The following INTS6 variants were observed in gnomAD, a reference collection of about 807,000 sequenced individuals.
The protein encoded by INTS6 is integrator complex subunit 6, also known as DEAD box protein.
A neutral mutation model predicts 104.9 loss-of-function variants in INTS6; 16 were observed. The ratio of observed to expected loss-of-function variants is 0.15; its 90% confidence interval spans 0.10 to 0.23. The LOEUF is 0.23. Among genes scored for constraint, INTS6 ranks in the 10% least tolerant of loss-of-function variants. The pLI is 1.00. For synonymous variants in INTS6, 324 were observed against 358.7 expected, an observed-to-expected ratio of 0.90 and a Z score of 1.09; for missense variants, 584 against 1,062.8, an observed-to-expected ratio of 0.55 and a Z score of 6.26.
chr13:51,395,879 C>A (rs1342159482), intron 4 of INTS6, among the ~76,000 whole-genome samples: 1 of 152,108 alleles, frequency 6.6e-6, no homozygotes, highest in Non-Finnish European at 1.5e-5. Flanking sequence ...CTCATTGCAA[C>A]CTCTGCCTCC....
At chr13:51,359,026 A>C (rs1295362823), downstream of INTS6, among the ~76,000 whole-genome samples, 1 of 152,110 alleles carries the variant, frequency 6.6e-6, no homozygotes, top group Non-Finnish European at 1.5e-5. Context: ...TACTGAAAAC[A>C]AAAGTGCAAA....
rs761660879 is a variant in INTS6 at position 51,374,650 on chromosome 13, T to C, written c.1872+4A>G. Reference sequence around the variant, plus strand: ...AATTACATAATAGAACATTTCAAAATTACCTTCTTATCCAGCTTAAAGGGG... The same window carrying C: ...AATTACATAATAGAACATTTCAAAACTACCTTCTTATCCAGCTTAAAGGGG... On this transcript the variant is annotated splice_donor_region_variant and intron_variant, in intron 14 of 17. Coordinates refer to ENST00000311234, the MANE Select transcript of INTS6 (RefSeq NM_012141.3). 1 of 1,612,484 alleles carries C rather than the reference T, an allele frequency of 6.2e-7. No homozygotes were observed. Among genetic ancestry groups the C allele is most frequent in the East Asian group, 2.2e-5 (1 of 44,814 alleles).
intron 4 of INTS6, among the ~76,000 whole-genome samples, chr13:51,425,675 G>T (rs1422979070): frequency 6.6e-6 from 1 of 152,064 alleles, no homozygotes; most frequent in East Asian, 1.9e-4. Flanking sequence ...TGGAATCATA[G>T]TACAGAATAG....
At chr13:51,444,251 A>AT (rs1952856784) in intron 3 of INTS6, 2 of 96,570 alleles carry the variant, frequency 2.1e-5, no homozygotes, top group Non-Finnish European at 4.0e-5. Context: ...CCCCCCAGCT[A>AT]ATTTTTTTTT....
chr13:51,424,909 G>A (rs1447764093), intron 4 of INTS6, among the ~76,000 whole-genome samples: 2 of 151,932 alleles, frequency 1.3e-5, no homozygotes, highest in Non-Finnish European at 2.9e-5. Context: ...AAAATTCTAA[G>A]TGTCTTAGGA....
intron 17 of INTS6, among the ~76,000 whole-genome samples, chr13:51,367,588 G>A (rs982908224): frequency 6.6e-6 from 1 of 152,022 alleles, no homozygotes; most frequent in Non-Finnish European, 1.5e-5. Context: ...AATTTGTAGG[G>A]AGAAAAGGTC....
rs1429544161 is a variant in INTS6, at chr13:51,361,754, T to C, written c.*3998A>G. On this transcript the variant is annotated 3_prime_UTR_variant, in exon 18 of 18. Transcript: ENST00000311234. The stretch of plus-strand genomic sequence containing the variant: ...AATTAACTTACTTCATAACCAATAG[T>C]TATTTTCTTAAAAATGCACAGAAAA... The C allele has an allele frequency of 1.0e-5, 15 of 1,454,582 alleles. No homozygotes were observed. Among genetic ancestry groups the C allele is most frequent in the African/African-American group, 1.4e-5 (1 of 70,100 alleles). 90.1% of individuals were successfully genotyped at this position (1,454,582 alleles called of 1,614,324 possible).
chr13:51,400,395 T>A (rs144510389), intron 4 of INTS6, among the ~76,000 whole-genome samples: 168 of 152,362 alleles, frequency 1.1e-3, no homozygotes, highest in Non-Finnish European at 1.7e-3. Flanking sequence ...TCCTCATAGA[T>A]AATGAAGATG....
intron 11 of INTS6, among the ~76,000 whole-genome samples, chr13:51,379,146 CTTTTT>C (rs1955996553): frequency 6.7e-6 from 1 of 149,014 alleles, no homozygotes; most frequent in African/African-American, 2.5e-5. Context: ...TTTTTTTTTT[CTTTTT>C]TAAGGAAAAA....
chr13:51,348,767 T>C, the INTS6 span: 1 of 239,656 alleles, frequency 4.2e-6, no homozygotes, highest in South Asian at 1.0e-4. Context: ...GTAGGAACGT[T>C]GCCCAAATCT....
chr13:51,409,108 C>G (rs1392435314), intron 4 of INTS6, among the ~76,000 whole-genome samples: 1 of 151,854 alleles, frequency 6.6e-6, no homozygotes, highest in Non-Finnish European at 1.5e-5. Flanking sequence ...GCATCAGGGT[C>G]ATATTTTATA....
At chr13:51,377,590 C>T (rs960089631) in intron 12 of INTS6, among the ~76,000 whole-genome samples, 9 of 152,086 alleles carry the variant, frequency 5.9e-5, no homozygotes, top group African/African-American at 1.9e-4. Flanking sequence ...TTATCCACTA[C>T]CTTATTTTAA....
chr13:51,360,473 A>AT (rs1402115592), downstream of INTS6, among the ~76,000 whole-genome samples: 1 of 152,040 alleles, frequency 6.6e-6, no homozygotes, highest in Non-Finnish European at 1.5e-5. Context: ...TAAATCTTTC[A>AT]TTTTTTACTG....
chr13:51,406,623 ATCTCCC>A, intron 4 of INTS6, among the ~76,000 whole-genome samples: 1 of 152,212 alleles, frequency 6.6e-6, no homozygotes, highest in East Asian at 1.9e-4. Context: ...GACCACTTTT[ATCTCCC>A]TCTCCTCCAC....
chr13:51,446,374 T>C (rs755618579), intron 3 of INTS6: 1 of 152,058 alleles, frequency 6.6e-6, no homozygotes, highest in Non-Finnish European at 1.5e-5. Context: ...TCACACCCAA[T>C]AGGATGGCTA....
the INTS6 span, chr13:51,341,331 G>T: frequency 6.2e-7 from 1 of 1,601,604 alleles, no homozygotes; most frequent in East Asian, 2.2e-5. Context: ...CAGATGCCCT[G>T]GGGTACACTG....
chr13:51,387,021 T>C (rs993841529), intron 7 of INTS6, among the ~76,000 whole-genome samples: 5 of 152,104 alleles, frequency 3.3e-5, no homozygotes, highest in African/African-American at 1.2e-4. Context: ...TCCTAAAAAA[T>C]TGCAGGCAAA....
rs1956251551 is a variant in INTS6, at chr13:51,391,888, A to C, written c.614-2444T>G. Among the ~76,000 whole-genome samples the C allele has an allele frequency of 2.0e-5, 3 of 152,216 alleles. No individual in the cohort carries two copies. The South Asian group carries it at 6.2e-4, about 31-fold the overall frequency. ...ATATTTAACAACATGTCTATTACAC[A>C]TTTTAAAATTTGCTATCATCCTTGC... On this transcript the variant is annotated intron_variant, in intron 5 of 17. Transcript: ENST00000311234.
chr13:51,417,823 T>C (rs888978263), intron 4 of INTS6, among the ~76,000 whole-genome samples: 4 of 152,228 alleles, frequency 2.6e-5, no homozygotes, highest in African/African-American at 7.2e-5. Flanking sequence ...TATAAATGTA[T>C]GTGTTTTGCT....
Sources: allele counts gnomAD v4.1 joint callset (sites outside exome capture counted in the v4.1 genomes callset), GRCh38; gene constraint gnomAD v4.1.1; transcripts MANE v1.5; gene names NCBI Gene and HGNC (gene_info 2026-07-23, HGNC 2026-07-21).